The following LRRC40 variants were observed in gnomAD, a reference collection of about 807,000 sequenced individuals.
The protein encoded by LRRC40 is leucine rich repeat containing 40.
A neutral mutation model predicts 72.8 loss-of-function variants in LRRC40; 76 were observed. The observed-to-expected ratio is 1.04, with a 90% confidence interval of 0.87 to 1.26. The LOEUF is 1.26. Among genes scored for constraint, LRRC40 ranks in the 50% most tolerant of loss-of-function variants. The pLI, the probability that LRRC40 is intolerant of heterozygous loss-of-function variation, is 0.00. For synonymous variants in LRRC40, 243 were observed against 254.2 expected, an observed-to-expected ratio of 0.96 and a Z score of 0.42; for missense variants, 684 against 698.9, an observed-to-expected ratio of 0.98 and a Z score of 0.24.
At chr1:70,156,744 C>T (rs1172223479) in intron 10 of LRRC40, among the ~76,000 whole-genome samples, 1 of 152,118 alleles carries the variant, frequency 6.6e-6, no homozygotes. Context: ...AGGGATGATT[C>T]ATGTCCCAGG....
At chr1:70,186,733 C>T (rs1668367461) in intron 3 of LRRC40, among the ~76,000 whole-genome samples, 1 of 152,074 alleles carries the variant, frequency 6.6e-6, no homozygotes, top group Non-Finnish European at 1.5e-5. Flanking sequence ...TATCAGAGAG[C>T]AAACAGAGTT....
intron 9 of LRRC40, among the ~76,000 whole-genome samples, chr1:70,163,171 G>GT (rs928387937): frequency 2.0e-5 from 3 of 151,830 alleles, no homozygotes; most frequent in Non-Finnish European, 4.4e-5. Context: ...CGACTCCCTG[G>GT]TTCAAGCGAT....
chr1:70,154,275 T>TAA (rs1174098112), intron 11 of LRRC40, among the ~76,000 whole-genome samples: 1 of 152,212 alleles, frequency 6.6e-6, no homozygotes, highest in Non-Finnish European at 1.5e-5. Context: ...CATGTCTTGA[T>TAA]TATTTTCTTG....
chr1:70,167,138 A>G (rs1226030979), intron 9 of LRRC40, among the ~76,000 whole-genome samples: 1 of 150,156 alleles, frequency 6.7e-6, no homozygotes. Flanking sequence ...TAGATTTCAC[A>G]TAGAAAATAT....
At chr1:70,159,031 C>A (rs1667700421) in intron 10 of LRRC40, among the ~76,000 whole-genome samples, 2 of 151,696 alleles carry the variant, frequency 1.3e-5, no homozygotes, top group Non-Finnish European at 2.9e-5. Context: ...CTTTTAATAT[C>A]CTTCTATTTC....
At chr1:70,176,217 C>A (rs1458973074) in intron 6 of LRRC40, among the ~76,000 whole-genome samples, 1 of 152,060 alleles carries the variant, frequency 6.6e-6, no homozygotes, top group Admixed American at 6.6e-5. Flanking sequence ...AACTTTGAAT[C>A]TGGCAGAAAC....
chr1:70,179,052 T>C, intron 5 of LRRC40, 59 bp from the exon 6 acceptor site: 1 of 1,066,298 alleles, frequency 9.4e-7, no homozygotes. Context: ...TTTCTGATCG[T>C]ATACAACTTT....
chr1:70,156,522 T>C (rs1186865963), intron 10 of LRRC40, among the ~76,000 whole-genome samples: 2 of 152,208 alleles, frequency 1.3e-5, no homozygotes, highest in East Asian at 3.8e-4. Flanking sequence ...TTCCTCTTTA[T>C]TAAAATTTTC....
In LRRC40 at chr1:70,145,643, G is replaced by A; in HGVS notation, c.*157C>T. On this transcript the variant is annotated 3_prime_UTR_variant, in exon 15 of 15. Transcript: ENST00000370952. ...AAAATATTTACTGGCAGTGAATATG[G>A]CCCAGGCTAATTATACCAACAGGTA... 2.2e-6 allele frequency: 1 copy of A among 462,964 alleles called. No individual in the cohort carries two copies. Among genetic ancestry groups the A allele is most frequent in the Non-Finnish European group, 3.9e-6 (1 of 259,070 alleles). The allele number at this position is 462,964 out of a possible 1,614,324, so 28.7% of individuals were successfully genotyped here.
chr1:70,199,134 C>T (rs1418826566), intron 1 of LRRC40, among the ~76,000 whole-genome samples: 2 of 151,728 alleles, frequency 1.3e-5, no homozygotes, highest in Non-Finnish European at 2.9e-5. Flanking sequence ...GCCTGGGCAA[C>T]AGAGTGAGAT....
At chr1:70,174,912 T>C (rs954034874) in intron 7 of LRRC40, among the ~76,000 whole-genome samples, 3 of 152,134 alleles carry the variant, frequency 2.0e-5, no homozygotes, top group Non-Finnish European at 4.4e-5. Context: ...TGGTAAATTT[T>C]ATTGTATATA....
In LRRC40 at chr1:70,189,178, C is replaced by G. The variant is rs1410241895; in HGVS notation, c.247G>C (p.Asp83His). The G allele has an allele frequency of 1.2e-6, 2 of 1,613,398 alleles. No individual in the cohort carries two copies. The highest frequency in any genetic ancestry group is 1.7e-6 in the Non-Finnish European group (2 of 1,179,916). The change falls in exon 2 of 15, where the codon GAT becomes CAT. Residue 83 changes from aspartate (D) to histidine (H), a missense_variant. Physicochemically the swap from Asp to His is moderately conservative, Grantham distance 81. Transcript: ENST00000370952. ...TTTGATATTATTAGTTTGGTCAAAT[C>G]TGTCTGCTCCCACCATCTTTCAGTA... Reference protein sequence around the residue: ...GATERWWEQTDLTKLIISNNK... With the variant: ...GATERWWEQTHLTKLIISNNK...
intron 9 of LRRC40, among the ~76,000 whole-genome samples, chr1:70,173,148 T>A (rs1486486033): frequency 1.3e-5 from 2 of 152,042 alleles, no homozygotes; most frequent in Non-Finnish European, 2.9e-5. Flanking sequence ...AACCCATATA[T>A]CCTGAAAGTC....
At chr1:70,199,704 T>C (rs1172944491) in intron 1 of LRRC40, among the ~76,000 whole-genome samples, 3 of 152,220 alleles carry the variant, frequency 2.0e-5, no homozygotes, top group Non-Finnish European at 4.4e-5. Context: ...ACATATAATA[T>C]ACAAATATAT....
At chr1:70,187,074 G>C (rs963602026) in intron 3 of LRRC40, among the ~76,000 whole-genome samples, 191 bp downstream of exon 3, 1 of 151,060 alleles carries the variant, frequency 6.6e-6, no homozygotes, top group African/African-American at 2.4e-5. Flanking sequence ...GAAATGATGG[G>C]GGTAATGCTA....
chr1:70,196,967 C>G (rs537223529), intron 1 of LRRC40, among the ~76,000 whole-genome samples: 2 of 152,176 alleles, frequency 1.3e-5, no homozygotes, highest in South Asian at 2.1e-4. Flanking sequence ...GCAATTCTAT[C>G]GGAAAAATAT....
intron 12 of LRRC40, among the ~76,000 whole-genome samples, chr1:70,151,563 A>C (rs997022156): frequency 2.0e-5 from 3 of 152,102 alleles, no homozygotes; most frequent in Non-Finnish European, 4.4e-5. Flanking sequence ...TGGTGTTAAT[A>C]TATATGACAC....
At chr1:70,156,250 A>G (rs1253972939) in intron 10 of LRRC40, among the ~76,000 whole-genome samples, 1 of 152,140 alleles carries the variant, frequency 6.6e-6, no homozygotes, top group African/African-American at 2.4e-5. Context: ...AAAAAGTTCA[A>G]CATTATACTA....
At position 70,145,249 on chromosome 1, in the gene LRRC40, A is replaced by T. The variant is rs1667256229; in HGVS notation, c.*551T>A. 1 of 152,136 alleles carries T rather than the reference A, an allele frequency of 6.6e-6. No homozygotes were observed. The highest frequency in any genetic ancestry group is 1.5e-5 in the Non-Finnish European group (1 of 67,988). 9.4% of individuals were successfully genotyped at this position (152,136 alleles called of 1,614,324 possible). ...ATATTTTTGTTTCCTTTTTCTTTTG[A>T]CATGTGGCCCAAGATAAGAAGGTCT... On this transcript the variant is annotated 3_prime_UTR_variant, in exon 15 of 15. Transcript: ENST00000370952.
Sources: gnomAD v4.1 joint callset for allele counts (sites outside exome capture counted in the v4.1 genomes callset) on GRCh38, gnomAD v4.1.1 for gene constraint, MANE v1.5 for transcripts, NCBI Gene and HGNC (gene_info 2026-07-23, HGNC 2026-07-21) for gene names.